The following IGF2R variants were observed in gnomAD, a reference collection of about 807,000 sequenced individuals.
IGF2R encodes insulin like growth factor 2 receptor.
IGF2R carries 91 observed loss-of-function variants against 270.6 expected under a neutral mutation model. That is an observed-to-expected ratio of 0.34 (90% CI 0.28 to 0.40). IGF2R has a LOEUF of 0.40. IGF2R is among the 10% of genes least tolerant of loss of function. The probability of loss-of-function intolerance (pLI) is 1.00; values close to 1 mark genes in which losing one functional copy is unlikely to be tolerated. For missense variants in IGF2R, 2,805 were observed against 3,188.3 expected (o/e 0.88, Z 2.90); for synonymous variants, 1,316 against 1,258.9 (o/e 1.05, Z -0.96).
At chr6:160,027,692 A>G (rs1210987889) in intron 6 of IGF2R, among the ~76,000 whole-genome samples, 2 of 152,218 alleles carry the variant, frequency 1.3e-5, no homozygotes, top group East Asian at 1.9e-4. Flanking sequence ...CAGGAGGGAC[A>G]GTTTGCTGGT....
chr6:160,044,405 G>T, intron 12 of IGF2R, 109 bp from the exon 13 acceptor site: 1 of 1,062,442 alleles, frequency 9.4e-7, no homozygotes, highest in South Asian at 1.5e-5. Context: ...GGTTTGGGCT[G>T]ATTTCTTTCT....
chr6:159,991,250 G>A lies in IGF2R; in HGVS notation c.216G>A (p.Val72=). The stretch of plus-strand genomic sequence containing the variant: ...ATAAAATCAACATCTGTGGAAGTGT[G>A]GATATTGTCCAGTGCGGGCCATCAA... ...VLYKINICGS[V]DIVQCGPSSA... Residue 72 remains valine, a synonymous_variant, in exon 2 of 48, where the codon GTG becomes GTA. Coordinates refer to ENST00000356956, the MANE Select transcript of IGF2R (RefSeq NM_000876.4). 2 of 1,613,678 alleles carry A rather than the reference G, an allele frequency of 1.2e-6. No homozygotes were observed. Among genetic ancestry groups the A allele is most frequent in the Non-Finnish European group, 1.7e-6 (2 of 1,179,668 alleles).
chr6:160,044,485 C>G, intron 12 of IGF2R, 29 bp from the exon 13 acceptor site: 1 of 1,548,992 alleles, frequency 6.5e-7, no homozygotes, highest in Non-Finnish European at 8.8e-7. Flanking sequence ...TTAACCACAT[C>G]TTCTGTTTTC....
At chr6:160,096,288 A>G (rs1779356430) in intron 44 of IGF2R, 151 bp from the exon 45 acceptor site, 1 of 642,356 alleles carries the variant, frequency 1.6e-6, no homozygotes, top group Admixed American at 2.8e-5. Context: ...TGGCCTCGTA[A>G]GCTGTGAACA....
intron 37 of IGF2R, 134 bp downstream of exon 37, chr6:160,078,496 G>T (rs1429377529): frequency 1.2e-6 from 1 of 822,366 alleles, no homozygotes; most frequent in East Asian, 2.5e-5. Context: ...CAGCATCTTG[G>T]TGCTCTCGTA....
chr6:159,975,008 G>A (rs1462812548), intron 1 of IGF2R, among the ~76,000 whole-genome samples: 1 of 152,160 alleles, frequency 6.6e-6, no homozygotes, highest in Non-Finnish European at 1.5e-5. Context: ...GTAATCAAAT[G>A]TGTGGTCGTT....
chr6:160,040,491 C>G (rs1360526644), intron 10 of IGF2R, 69 bp from the exon 11 acceptor site: 5 of 1,393,032 alleles, frequency 3.6e-6, no homozygotes, highest in Non-Finnish European at 5.0e-6. Flanking sequence ...CAGTTTCTTC[C>G]TTGCTCCTTA....
chr6:160,069,112 G>A (rs1778657753), intron 30 of IGF2R, among the ~76,000 whole-genome samples: 1 of 152,086 alleles, frequency 6.6e-6, no homozygotes, highest in African/African-American at 2.4e-5. Context: ...CGGTCCTTTT[G>A]TGATGCAGGG....
chr6:160,016,533 C>G (rs1380091640), intron 4 of IGF2R, among the ~76,000 whole-genome samples: 1 of 152,252 alleles, frequency 6.6e-6, no homozygotes, highest in African/African-American at 2.4e-5. Context: ...GCAGCTGCCT[C>G]TTTCCTGCAA....
chr6:160,084,757 G>A lies in IGF2R; in HGVS notation c.6069-238G>A, dbSNP rs1359696179. Among the ~76,000 whole-genome samples, 1 of 152,176 alleles carries A rather than the reference G, an allele frequency of 6.6e-6. No individual in the cohort carries two copies. On this transcript the variant is annotated intron_variant, in intron 40 of 47. Transcript: ENST00000356956. This position sits in a 1 kb window ranked among gnomAD's most constrained non-coding sequence, Gnocchi z 4.6. ...GTACCACGCTGTGTCCAGGGTGGCC[G>A]CAGGTGTGGACATTCCACTCCGCGT...
rs190695982 is a variant in IGF2R, at chr6:160,031,008, A to G, written c.882+1353A>G. Among the ~76,000 whole-genome samples the G allele has an allele frequency of 5.9e-5, 9 of 152,074 alleles. No individual in the cohort carries two copies. In the South Asian group the frequency reaches 8.3e-4, roughly 14 times the overall value. On this transcript the variant is annotated intron_variant, in intron 7 of 47. Transcript: ENST00000356956. Reference sequence around the variant, plus strand: ...AGGCATGTGCCACCACGCCTGGCTAATTTTTGTATTTTTAGTAGAGACAGG... The same window carrying G: ...AGGCATGTGCCACCACGCCTGGCTAGTTTTTGTATTTTTAGTAGAGACAGG...
At chr6:160,000,910 T>G (rs1429827503) in intron 2 of IGF2R, among the ~76,000 whole-genome samples, 1 of 151,668 alleles carries the variant, frequency 6.6e-6, no homozygotes, top group Admixed American at 6.6e-5. Flanking sequence ...TTTTTTTTTG[T>G]ATTTTTAGTA....
chr6:160,033,487 C>T (rs1194969167), intron 9 of IGF2R, among the ~76,000 whole-genome samples: 1 of 152,224 alleles, frequency 6.6e-6, no homozygotes, highest in East Asian at 1.9e-4. Context: ...AACTCCCTCT[C>T]CTTTTCTTCC....
chr6:159,971,753 TCCTTCCACCTCAC>T (rs1783612609), intron 1 of IGF2R, among the ~76,000 whole-genome samples: 1 of 152,232 alleles, frequency 6.6e-6, no homozygotes, highest in Non-Finnish European at 1.5e-5. Context: ...GCTCAGGCAG[TCCTTCCACCTCAC>T]CCTTCTGTGT....
rs1176827558 is a variant in IGF2R at position 159,974,715 on chromosome 6, C to A, written c.149+5320C>A. 2.6e-5 allele frequency among the ~76,000 whole-genome samples: 4 copies of A among 152,020 alleles called. No homozygotes were observed. In the East Asian group the frequency reaches 7.7e-4, roughly 29 times the overall value. On this transcript the variant is annotated intron_variant, in intron 1 of 47. Transcript: ENST00000356956. ...ATGCTAAGACTATACTCTACCACTCCCCCTCCCCCAGTGGTAACAAATAAA... is the reference window on the plus strand; with the variant it reads ...ATGCTAAGACTATACTCTACCACTCACCCTCCCCCAGTGGTAACAAATAAA...
chr6:160,049,938 A>G (rs1012889632), intron 18 of IGF2R, among the ~76,000 whole-genome samples: 1 of 152,188 alleles, frequency 6.6e-6, no homozygotes, highest in Non-Finnish European at 1.5e-5. Context: ...TCACCTCCCT[A>G]AGGAATTTGG....
chr6:159,984,959 A>G (rs549211235), intron 1 of IGF2R, among the ~76,000 whole-genome samples: 2 of 152,326 alleles, frequency 1.3e-5, no homozygotes, highest in African/African-American at 4.8e-5. Flanking sequence ...AATCATGGGT[A>G]TGTATGTAAA....
chr6:159,975,490 T>C (rs1289603035), intron 1 of IGF2R, among the ~76,000 whole-genome samples: 2 of 151,764 alleles, frequency 1.3e-5, no homozygotes, highest in Non-Finnish European at 2.9e-5. Flanking sequence ...GGGGAGGATC[T>C]TAAGACCCAC....
At position 160,104,854 on chromosome 6, in the gene IGF2R, A is replaced by G. The variant is rs1475682490; in HGVS notation, c.7246A>G (p.Ile2416Val). Residue 2416 changes from isoleucine (I) to valine (V), a missense_variant, in exon 48 of 48, where the codon ATC (isoleucine) becomes GTC (valine). This residue lies in a region of IGF2R where 1,851 missense variants were observed against 2,207.2 expected (regional missense o/e 0.84). Coordinates refer to ENST00000356956, the MANE Select transcript of IGF2R (RefSeq NM_000876.4). The part of the protein sequence containing the change: ...DQDSEDEVLT[I>V]PEVKVHSGRG... ...GGACAGTGAGGATGAGGTTCTGACC[A>G]TCCCAGAGGTGAAAGTTCACTCGGG... The G allele has an allele frequency of 1.9e-6, 3 of 1,614,076 alleles. No individual in the cohort carries two copies. In the African/African-American group the frequency reaches 4.0e-5, roughly 22 times the overall value.
Sources: allele counts gnomAD v4.1 joint callset (sites outside exome capture counted in the v4.1 genomes callset), GRCh38; gene constraint gnomAD v4.1.1; regional missense constraint gnomAD v4.1.1; non-coding constraint Gnocchi (gnomAD v3.1); transcripts MANE v1.5; gene names NCBI Gene and HGNC (gene_info 2026-07-23, HGNC 2026-07-21).